CD27: variants seen among roughly 807,000 people sequenced by gnomAD.
The protein encoded by CD27 is CD27 antigen.
A neutral mutation model predicts 25.9 loss-of-function variants in CD27; 16 were observed. That is an observed-to-expected ratio of 0.62 (90% CI 0.42 to 0.94). The LOEUF (loss-of-function observed/expected upper bound fraction) is 0.94. Ranked by LOEUF, CD27 falls within the 40% of genes least tolerant of loss-of-function variation. The pLI is 0.00. For synonymous variants in CD27, 142 were observed against 124.3 expected (o/e 1.14, Z -0.95); for missense variants, 300 against 333.2 (o/e 0.90, Z 0.78).
rs769168367 is a variant in CD27 at position 6,450,166 on chromosome 12, C to T, written c.269-7C>T. 3 of 1,609,080 alleles carry T rather than the reference C, an allele frequency of 1.9e-6. No homozygotes were observed. The highest frequency in any genetic ancestry group is 2.5e-6 in the Non-Finnish European group (3 of 1,179,038). ...GTCCTATGCTCCCTGGGCCTCTCTT[C>T]CCCCAGGTCTTCTCGTTCGCAACTG... On this transcript the variant is annotated splice_polypyrimidine_tract_variant and splice_region_variant and intron_variant, in intron 2 of 5. Coordinates refer to ENST00000266557, the MANE Select transcript of CD27 (RefSeq NM_001242.5). The surrounding 1 kb of genome is among the most constrained non-coding windows in gnomAD (Gnocchi z 4.1).
chr12:6,449,948 A>G (rs1052401982), intron 2 of CD27, among the ~76,000 whole-genome samples: 3 of 152,210 alleles, frequency 2.0e-5, no homozygotes, highest in African/African-American at 7.2e-5. Flanking sequence ...TGAACCCATG[A>G]ATCTTCCTTC....
chr12:6,444,929 A>G, upstream of CD27: 2 of 694,854 alleles, frequency 2.9e-6, no homozygotes, highest in Non-Finnish European at 4.6e-6. Context: ...GAGAGAAAAA[A>G]AAAACAGCCA....
rs374671310 is a variant in CD27 at position 6,448,613 on chromosome 12, A to C, written c.269-1560A>C. 2.0e-3 allele frequency: 312 copies of C among 152,238 alleles called. 1 individual carries two copies. In the South Asian group the frequency reaches 0.024, roughly 12 times the overall value. 9.4% of individuals were successfully genotyped at this position (152,238 alleles called of 1,614,324 possible). ...ACCCCGTCTCTACTAAAAATACAAAAAATTAGCCAGGTGTGGTGGCACACA... is the reference window on the plus strand; with the variant it reads ...ACCCCGTCTCTACTAAAAATACAAACAATTAGCCAGGTGTGGTGGCACACA... On this transcript the variant is annotated intron_variant, in intron 2 of 5. Coordinates refer to ENST00000266557, the MANE Select transcript of CD27 (RefSeq NM_001242.5).
chr12:6,450,533 T>C lies in CD27; in HGVS notation c.449-8T>C. ...CTGCTGCTACTCATTCTGTCTCTGT[T>C]TTTCCAGAGATGCTGGAGGCCAGGA... On this transcript the variant is annotated splice_region_variant and splice_polypyrimidine_tract_variant and intron_variant, in intron 3 of 5. Coordinates refer to ENST00000266557, the MANE Select transcript of CD27 (RefSeq NM_001242.5). This position sits in a 1 kb window ranked among gnomAD's most constrained non-coding sequence, Gnocchi z 4.1. The C allele has an allele frequency of 6.2e-7, 1 of 1,612,798 alleles. No homozygotes were observed. Among genetic ancestry groups the C allele is most frequent in the Non-Finnish European group, 8.5e-7 (1 of 1,179,388 alleles).
Position 6,445,354 on chromosome 12 carries a change from G to A in CD27, c.137-70G>A. 1 of 1,609,282 alleles carries A rather than the reference G, an allele frequency of 6.2e-7. No individual in the cohort carries two copies. Among genetic ancestry groups the A allele is most frequent in the Non-Finnish European group, 8.5e-7 (1 of 1,176,634 alleles). On this transcript the variant is annotated intron_variant, in intron 1 of 5. Transcript: ENST00000266557. This position sits in a 1 kb window ranked among gnomAD's most constrained non-coding sequence, Gnocchi z 4.5. ...AGGAGGGAAATCCTGCAGCTGTGGG[G>A]AGGCACCACCTTGAAGAGGGCAGAG...
In CD27 at chr12:6,450,173, G is replaced by T. The variant is rs762729598; in HGVS notation, c.269G>T (p.Gly90Val). The T allele has an allele frequency of 6.2e-7, 1 of 1,610,956 alleles. No individual in the cohort carries two copies. Among genetic ancestry groups the T allele is most frequent in the South Asian group, 1.1e-5 (1 of 91,024 alleles). Residue 90 changes from glycine (G) to valine (V), a missense_variant and splice_region_variant, in exon 3 of 6, where the codon GGT becomes GTT. Coordinates refer to ENST00000266557, the MANE Select transcript of CD27 (RefSeq NM_001242.5). This position sits in a 1 kb window ranked among gnomAD's most constrained non-coding sequence, Gnocchi z 4.1. Reference protein sequence around the residue: ...HCESCRHCNSGLLVRNCTITA... With the variant: ...HCESCRHCNSVLLVRNCTITA... ...GCTCCCTGGGCCTCTCTTCCCCCAG[G>T]TCTTCTCGTTCGCAACTGCACCATC...
Position 6,451,581 on chromosome 12 carries a change from G to A in CD27, c.*189G>A, listed in dbSNP as rs915135415. 3 of 609,828 alleles carry A rather than the reference G, an allele frequency of 4.9e-6. No individual in the cohort carries two copies. Among genetic ancestry groups the A allele is most frequent in the South Asian group, 5.2e-5 (2 of 38,118 alleles). 37.8% of individuals were successfully genotyped at this position (609,828 alleles called of 1,614,324 possible). A position where few individuals can be genotyped will look rare whatever the true frequency, so the allele number is the denominator to read the frequency against. ...CGAGGACAAATATGGATGAGGTGGA[G>A]AGTGGGAAGCAGGAGCCCAGCCAGC... On this transcript the variant is annotated 3_prime_UTR_variant, in exon 6 of 6. Coordinates refer to ENST00000266557, the MANE Select transcript of CD27 (RefSeq NM_001242.5).
In CD27 at chr12:6,445,278, G is replaced by A; in HGVS notation, c.136+47G>A. 1 of 1,611,910 alleles carries A rather than the reference G, an allele frequency of 6.2e-7. No homozygotes were observed. The highest frequency in any genetic ancestry group is 1.1e-5 in the South Asian group (1 of 90,950). On this transcript the variant is annotated intron_variant, in intron 1 of 5. Transcript: ENST00000266557. The surrounding 1 kb of genome is among the most constrained non-coding windows in gnomAD (Gnocchi z 4.5). ...GGCCAGGTGAGTGGCGAAAGAGAGA[G>A]GACTGGGGTTAATACAGTAAATAGG...
chr12:6,446,109 G>T (rs1949413925), intron 2 of CD27, among the ~76,000 whole-genome samples: 1 of 152,104 alleles, frequency 6.6e-6, no homozygotes, highest in South Asian at 2.1e-4. Flanking sequence ...GCTTATGAAT[G>T]CTGTTATTAT....
Position 6,451,473 on chromosome 12 carries a change from C to A in CD27, c.*81C>A. 6.9e-7 allele frequency: 1 copy of A among 1,441,054 alleles called. No individual in the cohort carries two copies. Among genetic ancestry groups the A allele is most frequent in the Non-Finnish European group, 9.5e-7 (1 of 1,055,452 alleles). The allele number at this position is 1,441,054 out of a possible 1,614,324, so 89.3% of individuals were successfully genotyped here. A position where few individuals can be genotyped will look rare whatever the true frequency, so the allele number is the denominator to read the frequency against. On this transcript the variant is annotated 3_prime_UTR_variant, in exon 6 of 6. Transcript: ENST00000266557. ...CCATCCAAGGGAGAGTGAGACCTGG[C>A]AGCCACAACTGCAGTCCCATCCTCT...
chr12:6,449,514 C>T (rs999890751), intron 2 of CD27, among the ~76,000 whole-genome samples: 1 of 151,936 alleles, frequency 6.6e-6, no homozygotes, highest in Admixed American at 6.6e-5. Flanking sequence ...TACAATCATG[C>T]GTGCCTCTCT....
chr12:6,446,789 C>T (rs1299587962), intron 2 of CD27, among the ~76,000 whole-genome samples: 1 of 151,004 alleles, frequency 6.6e-6, no homozygotes, highest in Non-Finnish European at 1.5e-5. Flanking sequence ...CACACACACA[C>T]ACACACACAC....
At position 6,450,270 on chromosome 12, in the gene CD27, T is replaced by C. The variant is rs1466462671; in HGVS notation, c.366T>C (p.Pro122=). 1 of 1,613,952 alleles carries C rather than the reference T, an allele frequency of 6.2e-7. No individual in the cohort carries two copies. The highest frequency in any genetic ancestry group is 1.7e-5 in the Admixed American group (1 of 60,024). ...CRDKECTECD[P]LPNPSLTARS... Reference sequence around the variant, plus strand: ...ACAAGGAGTGCACCGAGTGTGATCCTCTTCCAAACCCTTCGCTGACCGCTC... The same window carrying C: ...ACAAGGAGTGCACCGAGTGTGATCCCCTTCCAAACCCTTCGCTGACCGCTC... Residue 122 remains proline, a synonymous_variant, in exon 3 of 6, where the codon CCT becomes CCC. Transcript: ENST00000266557. This position sits in a 1 kb window ranked among gnomAD's most constrained non-coding sequence, Gnocchi z 4.1.
chr12:6,445,250 A>T lies in CD27; in HGVS notation c.136+19A>T, dbSNP rs1484198773. 2.5e-6 allele frequency: 4 copies of T among 1,613,864 alleles called. No individual in the cohort carries two copies. The highest frequency in any genetic ancestry group is 1.7e-5 in the Admixed American group (1 of 59,938). ...GAGCCAGGTAAGAGGGGGCCTTGGT[A>T]AGGGCCAGGTGAGTGGCGAAAGAGA... On this transcript the variant is annotated intron_variant, in intron 1 of 5. Transcript: ENST00000266557. This position sits in a 1 kb window ranked among gnomAD's most constrained non-coding sequence, Gnocchi z 4.5.
At position 6,450,625 on chromosome 12, in the gene CD27, G is replaced by A. The variant is rs1470958992; in HGVS notation, c.533G>A (p.Trp178Ter). ...CCTGCCCGGACTCTCTCTACCCACT[G>A]GCCACGTGAGTTTTCTCCTTAATCC... ...QLPARTLSTH[W>*]PPQRSLCSSD... The change falls in exon 4 of 6, where the codon TGG (tryptophan) becomes TAG (stop). Residue 178 changes from tryptophan to a stop codon, truncating the protein, a stop_gained. Transcript: ENST00000266557. LOFTEE classifies it high-confidence loss of function. The surrounding 1 kb of genome is among the most constrained non-coding windows in gnomAD (Gnocchi z 4.1). 2 of 1,611,846 alleles carry A rather than the reference G, an allele frequency of 1.2e-6. No homozygotes were observed. The highest frequency in any genetic ancestry group is 1.7e-6 in the Non-Finnish European group (2 of 1,179,842).
chr12:6,450,765 T>C lies in CD27; in HGVS notation c.539-130T>C, dbSNP rs1351991733. 25 of 1,440,818 alleles carry C rather than the reference T, an allele frequency of 1.7e-5. No individual in the cohort carries two copies. The highest frequency in any genetic ancestry group is 1.8e-4 in the Middle Eastern group (1 of 5,618). 89.3% of individuals were successfully genotyped at this position (1,440,818 alleles called of 1,614,324 possible). Reference sequence around the variant, plus strand: ...CAGAGTCCACTGTTTAGGAGAGGAGTTGGCCAACGGTGGCGGGTGGGATAG... The same window carrying C: ...CAGAGTCCACTGTTTAGGAGAGGAGCTGGCCAACGGTGGCGGGTGGGATAG... On this transcript the variant is annotated intron_variant, in intron 4 of 5. Coordinates refer to ENST00000266557, the MANE Select transcript of CD27 (RefSeq NM_001242.5). This position sits in a 1 kb window ranked among gnomAD's most constrained non-coding sequence, Gnocchi z 4.1.
At chr12:6,448,018 C>T (rs1949447068) in intron 2 of CD27, 1 of 152,350 alleles carries the variant, frequency 6.6e-6, no homozygotes, top group Non-Finnish European at 1.5e-5. Context: ...CTTGCAGGTC[C>T]TTATCCAACA....
At chr12:6,444,625 C>T (rs1415464527), upstream of CD27, among the ~76,000 whole-genome samples, 1 of 121,832 alleles carries the variant, frequency 8.2e-6, no homozygotes, top group Non-Finnish European at 1.6e-5. Context: ...AGACAGGAGT[C>T]CTGCGAATTC....
intron 2 of CD27, chr12:6,448,902 T>C (rs373359870): frequency 9.5e-4 from 145 of 152,372 alleles, no homozygotes; most frequent in South Asian, 7.7e-3. Flanking sequence ...CCAGAGAAAC[T>C]TGTACCCCTT....
Sources: allele counts gnomAD v4.1 joint callset (sites outside exome capture counted in the v4.1 genomes callset), GRCh38; gene constraint gnomAD v4.1.1; non-coding constraint Gnocchi (gnomAD v3.1); transcripts MANE v1.5; gene names NCBI Gene and HGNC (gene_info 2026-07-23, HGNC 2026-07-21).